MTHFD1L: variants seen among roughly 807,000 people sequenced by gnomAD.
The protein encoded by MTHFD1L is methylenetetrahydrofolate dehydrogenase (NADP+ dependent) 1 like.
MTHFD1L carries 81 observed loss-of-function variants against 119.5 expected under a neutral mutation model. That is an observed-to-expected ratio of 0.68 (90% CI 0.57 to 0.82). MTHFD1L has a LOEUF of 0.82. Ranked by LOEUF, MTHFD1L falls within the 40% of genes least tolerant of loss-of-function variation. The pLI is 0.00. For synonymous variants in MTHFD1L, 430 were observed against 475.2 expected (o/e 0.90, Z 1.24); for missense variants, 1,125 against 1,253.4 (o/e 0.90, Z 1.55).
chr6:151,025,788 A>G (rs952480068), intron 24 of MTHFD1L, among the ~76,000 whole-genome samples: 3 of 152,188 alleles, frequency 2.0e-5, no homozygotes, highest in Admixed American at 1.3e-4. Context: ...AAGAAATGGC[A>G]GTGTGTTCCA....
At chr6:150,924,563 G>A (rs1261168298) in intron 10 of MTHFD1L, among the ~76,000 whole-genome samples, 8 of 152,072 alleles carry the variant, frequency 5.3e-5, no homozygotes, top group Admixed American at 6.6e-5. Context: ...CTCAACCTCC[G>A]CCTCCCAGGT....
intron 19 of MTHFD1L, among the ~76,000 whole-genome samples, chr6:150,968,550 C>T (rs1797563171): frequency 6.6e-6 from 1 of 152,176 alleles, no homozygotes; most frequent in Admixed American, 6.5e-5. Flanking sequence ...CTCCCTGTCG[C>T]CCAGCCTGGA....
Position 151,018,306 on chromosome 6 carries a change from C to T in MTHFD1L, c.2586+2613C>T, listed in dbSNP as rs487637. On this transcript the variant is annotated intron_variant, in intron 24 of 27. Coordinates refer to ENST00000367321, the MANE Select transcript of MTHFD1L (RefSeq NM_015440.5). ...CAATAGCATAAGTGAAGAAGAAATC[C>T]GTGAAGCAAGAGCTTAGCAGCGTTG... Among the ~76,000 whole-genome samples the T allele has an allele frequency of 9.2e-5, 14 of 152,230 alleles. No individual in the cohort carries two copies. In the South Asian group the frequency reaches 2.9e-3, roughly 32 times the overall value.
At chr6:151,049,270 T>C (rs1214711050) in intron 26 of MTHFD1L, among the ~76,000 whole-genome samples, 1 of 152,112 alleles carries the variant, frequency 6.6e-6, no homozygotes, top group Non-Finnish European at 1.5e-5. Context: ...GGCAGGCAGA[T>C]CACGAGGTCA....
chr6:150,866,269 C>T, intron 1 of MTHFD1L: 1 of 1,452,572 alleles, frequency 6.9e-7, no homozygotes, highest in East Asian at 3.0e-5. Flanking sequence ...ACCGGGCCCG[C>T]AGCGCAGGTG....
At chr6:150,918,826 A>C (rs1562377655) in intron 9 of MTHFD1L, among the ~76,000 whole-genome samples, 158 bp downstream of exon 9, 1 of 152,198 alleles carries the variant, frequency 6.6e-6, no homozygotes, top group Non-Finnish European at 1.5e-5. Flanking sequence ...GATTTTGAAA[A>C]ATGAAGTGAG....
At chr6:150,916,531 G>A (rs184891740) in intron 8 of MTHFD1L, among the ~76,000 whole-genome samples, 44 of 125,630 alleles carry the variant, frequency 3.5e-4, no homozygotes, top group Non-Finnish European at 5.9e-4. Flanking sequence ...GTTGCACCAT[G>A]TTGGCCAGGC....
chr6:150,905,788 C>T, intron 8 of MTHFD1L, 27 bp downstream of exon 8: 1 of 1,510,672 alleles, frequency 6.6e-7, no homozygotes, highest in Non-Finnish European at 9.2e-7. Flanking sequence ...TGGTGTTGAG[C>T]CACTGATTAG....
intron 19 of MTHFD1L, among the ~76,000 whole-genome samples, chr6:150,968,613 G>T (rs1472849887): frequency 6.6e-6 from 1 of 151,920 alleles, no homozygotes. Context: ...AGGTTCAAGC[G>T]ATTCTCTTGC....
intron 26 of MTHFD1L, among the ~76,000 whole-genome samples, chr6:151,080,767 C>A (rs1793066829): frequency 6.6e-6 from 1 of 152,204 alleles, no homozygotes; most frequent in Non-Finnish European, 1.5e-5. Context: ...TGAGGCCTCT[C>A]TTCTTGGCTT....
chr6:151,010,121 G>A (rs1473787553), intron 21 of MTHFD1L, among the ~76,000 whole-genome samples, 163 bp downstream of exon 21: 7 of 151,944 alleles, frequency 4.6e-5, no homozygotes, highest in Admixed American at 6.6e-5. Context: ...CATCTAAAAC[G>A]TTTTTTGTTT....
At chr6:150,896,931 C>A (rs950969839) in intron 7 of MTHFD1L, among the ~76,000 whole-genome samples, 1 of 149,684 alleles carries the variant, frequency 6.7e-6, no homozygotes, top group African/African-American at 2.5e-5. Flanking sequence ...CACGGTGAAA[C>A]CCTGTCTCTA....
intron 17 of MTHFD1L, among the ~76,000 whole-genome samples, chr6:150,957,119 A>G (rs920375463): frequency 3.3e-5 from 5 of 152,222 alleles, no homozygotes; most frequent in Admixed American, 6.5e-5. Context: ...TGGGAGCTTT[A>G]TAAAAGCAGA....
chr6:150,984,052 T>C (rs1338080725), intron 20 of MTHFD1L, among the ~76,000 whole-genome samples: 1 of 152,232 alleles, frequency 6.6e-6, no homozygotes, highest in Non-Finnish European at 1.5e-5. Context: ...ATTACAGGCA[T>C]GAACCACTGC....
chr6:150,878,625 G>A (rs542556418), intron 4 of MTHFD1L, among the ~76,000 whole-genome samples: 9 of 152,318 alleles, frequency 5.9e-5, no homozygotes, highest in South Asian at 4.1e-4. Context: ...TCACCAAGTC[G>A]CAGGAGCTCA....
intron 18 of MTHFD1L, among the ~76,000 whole-genome samples, chr6:150,961,662 C>T (rs763599635): frequency 4.6e-5 from 7 of 152,048 alleles, no homozygotes; most frequent in South Asian, 4.1e-4. Flanking sequence ...TCAAAGTGTC[C>T]GGATTGTTTT....
At chr6:150,884,480 A>T (rs893473884) in intron 5 of MTHFD1L, among the ~76,000 whole-genome samples, 9 of 148,468 alleles carry the variant, frequency 6.1e-5, no homozygotes, top group African/African-American at 2.4e-4. Context: ...ACATTTTTTT[A>T]AAAAACGACA....
chr6:150,939,940 C>T (rs935004297), intron 13 of MTHFD1L, among the ~76,000 whole-genome samples: 3 of 152,116 alleles, frequency 2.0e-5, no homozygotes, highest in African/African-American at 7.2e-5. Context: ...TGGTCTCAGC[C>T]TCCCAAAGTG....
chr6:150,910,900 T>A (rs1208142012), intron 8 of MTHFD1L, among the ~76,000 whole-genome samples: 1 of 152,216 alleles, frequency 6.6e-6, no homozygotes, highest in East Asian at 1.9e-4. Flanking sequence ...TCTGAACATG[T>A]AAGAAAAGTC....
Sources: allele counts gnomAD v4.1 joint callset (sites outside exome capture counted in the v4.1 genomes callset), GRCh38; gene constraint gnomAD v4.1.1; transcripts MANE v1.5; gene names NCBI Gene and HGNC (gene_info 2026-07-23, HGNC 2026-07-21).